GTF2A1L: variants seen among roughly 807,000 people sequenced by gnomAD.
GTF2A1L encodes the protein TFIIA-alpha and beta-like factor.
GTF2A1L carries 48 observed loss-of-function variants against 49.7 expected under a neutral mutation model. The observed-to-expected ratio is 0.97, with a 90% CI of 0.77 to 1.23. The LOEUF (loss-of-function observed/expected upper bound fraction) is 1.23, where lower values mean the gene tolerates loss of function less well. Among genes scored for constraint, GTF2A1L ranks in the 50% most tolerant of loss-of-function variants. The pLI, the probability that GTF2A1L is intolerant of heterozygous loss-of-function variation, is 0.00. For synonymous variants in GTF2A1L, 246 were observed against 193.5 expected (o/e 1.27, Z -2.25); for missense variants, 736 against 564.8 (o/e 1.30, Z -3.07).
At chr2:48,678,347 T>C (rs1350747488) in intron 8 of GTF2A1L, among the ~76,000 whole-genome samples, 1 of 151,964 alleles carries the variant, frequency 6.6e-6, no homozygotes, top group East Asian at 1.9e-4. Flanking sequence ...TGCAAGACAA[T>C]TTGGGAATAA....
intron 3 of GTF2A1L, among the ~76,000 whole-genome samples, chr2:48,630,160 A>G (rs1159090919): frequency 7.0e-6 from 1 of 143,674 alleles, no homozygotes; most frequent in Non-Finnish European, 1.6e-5. Context: ...GAAAAATGAC[A>G]TTGGTGGTTT....
intron 1 of GTF2A1L, 98 bp from the exon 2 acceptor site, chr2:48,620,753 G>T: frequency 2.6e-6 from 2 of 755,940 alleles, no homozygotes; most frequent in Non-Finnish European, 1.7e-6. Context: ...CTCCAGCCTG[G>T]GCAACAGAGC....
chr2:48,646,403 A>C, intron 5 of GTF2A1L, 50 bp from the exon 6 acceptor site: 1 of 1,405,506 alleles, frequency 7.1e-7, no homozygotes, highest in Non-Finnish European at 9.3e-7. Flanking sequence ...TGGTTGTCAA[A>C]GGAAATTTTA....
At chr2:48,675,345 A>G (rs892046988) in intron 8 of GTF2A1L, among the ~76,000 whole-genome samples, 2 of 152,142 alleles carry the variant, frequency 1.3e-5, no homozygotes, top group African/African-American at 2.4e-5. Context: ...AATGATTTGT[A>G]TGGCCGTTAA....
chr2:48,648,208 A>C (rs2104208790), intron 6 of GTF2A1L, among the ~76,000 whole-genome samples: 1 of 151,510 alleles, frequency 6.6e-6, no homozygotes, highest in African/African-American at 2.4e-5. Context: ...TTCATATTAA[A>C]ATGTTTTATT....
chr2:48,642,860 GAAA>G (rs77250826), intron 4 of GTF2A1L, among the ~76,000 whole-genome samples: 1 of 143,098 alleles, frequency 7.0e-6, no homozygotes. Context: ...CTGTCTCAAA[GAAA>G]AAAAAAAAAA....
intron 6 of GTF2A1L, among the ~76,000 whole-genome samples, chr2:48,659,306 C>T (rs1678361340): frequency 6.6e-6 from 1 of 152,064 alleles, no homozygotes; most frequent in Admixed American, 6.5e-5. Flanking sequence ...TTTTCTCTTT[C>T]AAGAATGCCA....
intron 3 of GTF2A1L, among the ~76,000 whole-genome samples, chr2:48,636,207 G>A (rs1181877711): frequency 6.6e-6 from 1 of 152,060 alleles, no homozygotes; most frequent in East Asian, 1.9e-4. Flanking sequence ...TCTGCCACCT[G>A]AGGAAAAAAA....
intron 1 of GTF2A1L, among the ~76,000 whole-genome samples, chr2:48,620,367 G>A (rs1035557228): frequency 6.6e-6 from 1 of 152,216 alleles, no homozygotes; most frequent in Non-Finnish European, 1.5e-5. Flanking sequence ...TTTATGGAAA[G>A]CTAAGACTAT....
chr2:48,659,690 T>G (rs748490369), intron 6 of GTF2A1L, among the ~76,000 whole-genome samples: 12 of 152,138 alleles, frequency 7.9e-5, no homozygotes, highest in Non-Finnish European at 1.6e-4. Context: ...TTTGCCTCTG[T>G]GGTTCTGTTT....
intron 6 of GTF2A1L, among the ~76,000 whole-genome samples, chr2:48,664,777 T>C (rs1280646399): frequency 2.6e-5 from 4 of 152,208 alleles, no homozygotes; most frequent in African/African-American, 4.8e-5. Flanking sequence ...GTAAAATTTA[T>C]TGAAAGTTGA....
intron 6 of GTF2A1L, among the ~76,000 whole-genome samples, chr2:48,658,332 A>G (rs980001261): frequency 6.6e-6 from 1 of 152,128 alleles, no homozygotes; most frequent in African/African-American, 2.4e-5. Context: ...CTAGCCAGCT[A>G]TCCCATCACC....
At chr2:48,619,224 C>T (rs1965507) in intron 1 of GTF2A1L, among the ~76,000 whole-genome samples, 148,529 of 152,242 alleles carry the variant, frequency 0.98, 72,476 homozygotes, top group East Asian at 1. Flanking sequence ...ATCCCAGCAC[C>T]TTGGAAGGTC....
At chr2:48,654,411 T>A (rs188836991) in intron 6 of GTF2A1L, among the ~76,000 whole-genome samples, 1 of 152,302 alleles carries the variant, frequency 6.6e-6, no homozygotes, top group Admixed American at 6.5e-5. Flanking sequence ...TTCATTTTTT[T>A]TTTTGGAGAC....
At chr2:48,662,331 G>T (rs1678556753) in intron 6 of GTF2A1L, among the ~76,000 whole-genome samples, 1 of 152,122 alleles carries the variant, frequency 6.6e-6, no homozygotes. Flanking sequence ...ATTTGTCCAT[G>T]TATTTAACTT....
At chr2:48,649,300 A>T (rs1169170026) in intron 6 of GTF2A1L, among the ~76,000 whole-genome samples, 1 of 152,130 alleles carries the variant, frequency 6.6e-6, no homozygotes, top group Non-Finnish European at 1.5e-5. Flanking sequence ...GAGTTTGACA[A>T]TTTTTAAATT....
intron 2 of GTF2A1L, 47 bp downstream of exon 2, chr2:48,620,999 T>C (rs1675965167): frequency 2.5e-6 from 4 of 1,577,146 alleles, no homozygotes; most frequent in African/African-American, 1.4e-5. Context: ...GTTGTTTTTT[T>C]CAGCATACAA....
At chr2:48,645,828 T>G (rs776105757) in intron 5 of GTF2A1L, among the ~76,000 whole-genome samples, 35 of 152,124 alleles carry the variant, frequency 2.3e-4, no homozygotes, top group Non-Finnish European at 4.4e-4. Flanking sequence ...TTTTGTATTT[T>G]TAGTAGAGAC....
intron 8 of GTF2A1L, among the ~76,000 whole-genome samples, chr2:48,672,737 T>C (rs1366253730): frequency 6.6e-6 from 1 of 152,216 alleles, no homozygotes; most frequent in Non-Finnish European, 1.5e-5. Context: ...GTTTTTGTCC[T>C]TAATTCATGA....
Sources: allele counts gnomAD v4.1 joint callset (sites outside exome capture counted in the v4.1 genomes callset), GRCh38; gene constraint gnomAD v4.1.1; transcripts MANE v1.5; gene names NCBI Gene and HGNC (gene_info 2026-07-23, HGNC 2026-07-21).